Variants in GAP43 observed in about 807,000 individuals in gnomAD.
GAP43 encodes the protein growth associated protein 43.
GAP43 carries 6 observed loss-of-function variants against 18.6 expected under a neutral mutation model. The observed-to-expected ratio is 0.32, with a 90% CI of 0.18 to 0.64. GAP43 has a LOEUF of 0.64. Among genes scored for constraint, GAP43 ranks in the 30% least tolerant of loss-of-function variants. The pLI is 0.78. For synonymous variants in GAP43, 115 were observed against 111.4 expected (o/e 1.03, Z -0.20); for missense variants, 292 against 295.5 (o/e 0.99, Z 0.09).
chr3:115,626,507 G>A (rs893537160), intron 1 of GAP43, among the ~76,000 whole-genome samples: 8 of 152,120 alleles, frequency 5.3e-5, no homozygotes, highest in Non-Finnish European at 7.3e-5. Context: ...ATATGGTAAA[G>A]GAGTGGGCAA....
intron 2 of GAP43, among the ~76,000 whole-genome samples, chr3:115,711,958 A>G (rs2196729): frequency 0.55 from 83,113 of 152,032 alleles, 23,454 homozygotes; most frequent in East Asian, 0.73. Flanking sequence ...AAAATTATTG[A>G]GGGCAAGTAG....
intron 2 of GAP43, among the ~76,000 whole-genome samples, chr3:115,688,646 A>G (rs932787177): frequency 2.0e-5 from 3 of 152,174 alleles, no homozygotes; most frequent in Admixed American, 6.5e-5. Flanking sequence ...TGCCTGGGCA[A>G]TGGGGCCAAT....
At chr3:115,634,340 G>C (rs571984554) in intron 1 of GAP43, among the ~76,000 whole-genome samples, 2 of 152,196 alleles carry the variant, frequency 1.3e-5, no homozygotes, top group African/African-American at 4.8e-5. Flanking sequence ...CAATTTATCT[G>C]CTTGGAATAT....
chr3:115,624,716 T>G (rs1175165224), intron 1 of GAP43, among the ~76,000 whole-genome samples: 1 of 152,064 alleles, frequency 6.6e-6, no homozygotes. Context: ...AGAAACTTGA[T>G]TGGGGTGAGA....
intron 1 of GAP43, among the ~76,000 whole-genome samples, chr3:115,668,353 G>A (rs1282378268): frequency 1.3e-5 from 2 of 152,142 alleles, no homozygotes; most frequent in Non-Finnish European, 2.9e-5. Flanking sequence ...GCTTTGGAGA[G>A]CAATACACAG....
At chr3:115,705,441 A>C (rs188385366) in intron 2 of GAP43, among the ~76,000 whole-genome samples, 32 of 152,316 alleles carry the variant, frequency 2.1e-4, no homozygotes, top group Admixed American at 1.8e-3. Context: ...TTAACTCATC[A>C]TATATTAAAA....
At chr3:115,711,781 A>G (rs756937809) in intron 2 of GAP43, among the ~76,000 whole-genome samples, 5 of 136,990 alleles carry the variant, frequency 3.6e-5, no homozygotes, top group African/African-American at 1.3e-4. Flanking sequence ...AGCTGGGAGC[A>G]GGGATGAGGG....
At position 115,676,291 on chromosome 3, in the gene GAP43, A is replaced by G. The variant is rs1288083137; in HGVS notation, c.309A>G (p.Lys103=). The part of the protein sequence containing the change: ...ATGSKPDEPG[K]AGETPSEEKK... ...GCTCCAAGCCTGATGAGCCCGGCAAAGCAGGAGAAACTCCTTCCGAGGAGA... is the reference window on the plus strand; with the variant it reads ...GCTCCAAGCCTGATGAGCCCGGCAAGGCAGGAGAAACTCCTTCCGAGGAGA... Residue 103 remains lysine, a synonymous_variant, in exon 2 of 3, where the codon AAA becomes AAG. Coordinates refer to ENST00000305124, the MANE Select transcript of GAP43 (RefSeq NM_002045.4). 2.5e-6 allele frequency: 4 copies of G among 1,614,070 alleles called. No homozygotes were observed. In the Admixed American group the frequency reaches 5.0e-5, roughly 20 times the overall value.
At chr3:115,720,174 T>G in intron 2 of GAP43, among the ~76,000 whole-genome samples, 1 of 152,128 alleles carries the variant, frequency 6.6e-6, no homozygotes, top group East Asian at 1.9e-4. Flanking sequence ...AGTGTATAGT[T>G]TTTGTCTTCA....
rs1005765201 is a variant in GAP43, at chr3:115,644,467, G to A, written c.30+20748G>A. ...AGCATTCTAAGCACTGAATAAGACA[G>A]AGCATCCATTCCACACCCTATTTCC... is the stretch of plus-strand genomic sequence containing the variant. On this transcript the variant is annotated intron_variant, in intron 1 of 2. Transcript: ENST00000305124. The surrounding 1 kb of genome is among the most constrained non-coding windows in gnomAD (Gnocchi z 4.2). 6.6e-6 allele frequency among the ~76,000 whole-genome samples: 1 copy of A among 152,004 alleles called. No individual in the cohort carries two copies. Among genetic ancestry groups the A allele is most frequent in the Non-Finnish European group, 1.5e-5 (1 of 67,938 alleles).
intron 2 of GAP43, among the ~76,000 whole-genome samples, chr3:115,685,925 G>T (rs1278492396): frequency 3.3e-5 from 5 of 152,168 alleles, no homozygotes; most frequent in African/African-American, 1.2e-4. Context: ...TGCCACCAAG[G>T]TGTAAACCAT....
chr3:115,656,826 T>A (rs1171027230), intron 1 of GAP43, among the ~76,000 whole-genome samples: 1 of 152,176 alleles, frequency 6.6e-6, no homozygotes, highest in African/African-American at 2.4e-5. Flanking sequence ...CTCAGATTGA[T>A]CCAAAATGTA....
At chr3:115,687,112 C>A (rs1354001872) in intron 2 of GAP43, among the ~76,000 whole-genome samples, 1 of 34,272 alleles carries the variant, frequency 2.9e-5, no homozygotes, top group Non-Finnish European at 5.8e-5. Flanking sequence ...TGAAATCCCC[C>A]CTCTTTTTTT....
intron 1 of GAP43, among the ~76,000 whole-genome samples, chr3:115,625,994 T>C (rs2107462405): frequency 6.6e-6 from 1 of 152,360 alleles, no homozygotes; most frequent in African/African-American, 2.4e-5. Context: ...ATGTCTCTTA[T>C]AAACCACTGT....
At chr3:115,623,757 A>G (rs769958306) in intron 1 of GAP43, 38 bp downstream of exon 1, 2 of 1,611,928 alleles carry the variant, frequency 1.2e-6, no homozygotes, top group Admixed American at 1.7e-5. Context: ...CTGTTGTGAA[A>G]TAACCCGAGT....
At chr3:115,641,449 A>G (rs1708394348) in intron 1 of GAP43, among the ~76,000 whole-genome samples, 1 of 151,440 alleles carries the variant, frequency 6.6e-6, no homozygotes, top group Admixed American at 6.6e-5. Context: ...CACTATATAT[A>G]TATATAGAGA....
intron 1 of GAP43, among the ~76,000 whole-genome samples, chr3:115,662,008 A>C (rs560098700): frequency 6.6e-6 from 1 of 151,492 alleles, no homozygotes; most frequent in South Asian, 2.1e-4. Context: ...GGTCGGGGGG[A>C]AGGGGAAGGG....
At chr3:115,669,032 A>C (rs1310259680) in intron 1 of GAP43, among the ~76,000 whole-genome samples, 2 of 150,244 alleles carry the variant, frequency 1.3e-5, no homozygotes, top group Non-Finnish European at 3.0e-5. Flanking sequence ...GGTGACAGAG[A>C]GTGACCCTGT....
intron 2 of GAP43, among the ~76,000 whole-genome samples, chr3:115,714,186 T>C (rs1309109156): frequency 6.6e-6 from 1 of 152,222 alleles, no homozygotes; most frequent in African/African-American, 2.4e-5. Context: ...AATAAATGAA[T>C]GAATGAAAAC....
Sources: gnomAD v4.1 joint callset for allele counts (sites outside exome capture counted in the v4.1 genomes callset) on GRCh38, gnomAD v4.1.1 for gene constraint, Gnocchi (gnomAD v3.1) non-coding constraint, MANE v1.5 for transcripts, NCBI Gene and HGNC (gene_info 2026-07-23, HGNC 2026-07-21) for gene names.